The following IQCM variants were observed in gnomAD, a reference collection of about 807,000 sequenced individuals.
IQCM encodes IQ motif containing M.
In IQCM, 45 loss-of-function variants were observed where a neutral mutation model predicts 57.6. That is an observed-to-expected ratio of 0.78 (90% confidence interval 0.62 to 1.00). The LOEUF (loss-of-function observed/expected upper bound fraction) is 1.00, where lower values mean the gene tolerates loss of function less well. Among genes scored for constraint, IQCM ranks in the 50% least tolerant of loss-of-function variants. The pLI, the probability that IQCM is intolerant of heterozygous loss-of-function variation, is 0.00. For synonymous variants in IQCM, 148 were observed against 158.9 expected (o/e 0.93, Z 0.51); for missense variants, 468 against 511.6 (o/e 0.91, Z 0.82).
At chr4:149,668,504 C>T (rs1760940860) in intron 7 of IQCM, among the ~76,000 whole-genome samples, 1 of 152,054 alleles carries the variant, frequency 6.6e-6, no homozygotes, top group African/African-American at 2.4e-5. Context: ...AACATTGCCT[C>T]TCAGGGCAGC....
intron 5 of IQCM, among the ~76,000 whole-genome samples, chr4:149,726,076 A>AAAGT (rs1429010419): frequency 3.9e-4 from 25 of 64,514 alleles, no homozygotes; most frequent in African/African-American, 9.6e-4. Context: ...CCTCTAAAAG[A>AAAGT]AAGAAAGAAA....
intron 13 of IQCM, among the ~76,000 whole-genome samples, chr4:149,359,702 A>T (rs1239411609): frequency 6.6e-6 from 1 of 152,170 alleles, no homozygotes; most frequent in Non-Finnish European, 1.5e-5. Flanking sequence ...CTTTTAAATT[A>T]TCTACAAATT....
chr4:149,435,912 C>A (rs902372602), intron 12 of IQCM, among the ~76,000 whole-genome samples: 1 of 152,020 alleles, frequency 6.6e-6, no homozygotes, highest in Non-Finnish European at 1.5e-5. Context: ...AGCATTATCA[C>A]AAAATGTCAA....
intron 12 of IQCM, among the ~76,000 whole-genome samples, chr4:149,545,826 T>A (rs1047463104): frequency 1.3e-5 from 2 of 152,090 alleles, no homozygotes; most frequent in South Asian, 2.1e-4. Context: ...GTATTTTTTT[T>A]TTATTATTAT....
rs1328934686 is a variant in IQCM, at chr4:149,554,698, TTTTC to T, written c.949-1415_949-1412del. 4.3e-4 allele frequency among the ~76,000 whole-genome samples: 21 copies of T among 49,076 alleles called. No individual in the cohort carries two copies. The Middle Eastern group carries it at 0.045, about 106-fold the overall frequency. The allele number at this position is 49,076 out of a possible 152,430, so 32.2% of individuals were successfully genotyped here. A position where few individuals can be genotyped will look rare whatever the true frequency, so the allele number is the denominator to read the frequency against. On this transcript the variant is annotated intron_variant, in intron 10 of 13. Transcript: ENST00000636793. ...TATTACACATTAATTTTTTCTTTTCTTTTCTTTCTTTTTTTTTTTGAGACAGAGT... is the reference window on the plus strand; with the variant it reads ...TATTACACATTAATTTTTTCTTTTCTTTTCTTTTTTTTTTTGAGACAGAGT...
intron 6 of IQCM, among the ~76,000 whole-genome samples, chr4:149,682,815 G>T (rs1338073649): frequency 6.6e-6 from 1 of 151,012 alleles, no homozygotes; most frequent in Admixed American, 6.6e-5. Flanking sequence ...TTGTATAAAT[G>T]AAGAAACTAA....
chr4:149,490,614 T>C (rs1488567842), intron 12 of IQCM, among the ~76,000 whole-genome samples: 1 of 152,094 alleles, frequency 6.6e-6, no homozygotes, highest in Non-Finnish European at 1.5e-5. Flanking sequence ...AATAAATATA[T>C]TGCCTACTAT....
intron 2 of IQCM, among the ~76,000 whole-genome samples, chr4:149,804,406 G>A (rs1365283737): frequency 1.3e-5 from 2 of 151,974 alleles, no homozygotes; most frequent in Admixed American, 1.3e-4. Context: ...TCCCTTCCAG[G>A]TTCTAGCAGC....
intron 12 of IQCM, among the ~76,000 whole-genome samples, chr4:149,482,021 ATTTAAT>A (rs1740958454): frequency 6.6e-6 from 1 of 151,006 alleles, no homozygotes; most frequent in Non-Finnish European, 1.5e-5. Context: ...ATTCCTAGGT[ATTTAAT>A]TTTATGTGTG....
intron 11 of IQCM, among the ~76,000 whole-genome samples, chr4:149,548,848 C>G (rs578053034): frequency 3.9e-5 from 6 of 152,226 alleles, no homozygotes; most frequent in African/African-American, 1.4e-4. Flanking sequence ...ACCATAAATC[C>G]TATAATGTCA....
At chr4:149,402,213 G>A (rs567155481) in intron 13 of IQCM, among the ~76,000 whole-genome samples, 11 of 151,728 alleles carry the variant, frequency 7.2e-5, no homozygotes, top group Middle Eastern at 3.4e-3. Context: ...TTTTCTATAT[G>A]CTCAATAACA....
In IQCM at chr4:149,551,942, A is replaced by G. The variant is rs186668447; in HGVS notation, c.1093+1201T>C. Among the ~76,000 whole-genome samples, 48 of 151,864 alleles carry G rather than the reference A, an allele frequency of 3.2e-4. No homozygotes were observed. The East Asian group carries it at 9.1e-3, about 29-fold the overall frequency. ...CTTCCTGTCTTCCCATCTCTCCAAC[A>G]CTTTGCTGCTTTCTGCTCTTTTCTC... On this transcript the variant is annotated intron_variant, in intron 11 of 13. Coordinates refer to ENST00000636793, the MANE Select transcript of IQCM (RefSeq NM_001363507.2).
chr4:149,355,293 G>A (rs1039384767), intron 13 of IQCM, among the ~76,000 whole-genome samples: 1 of 151,752 alleles, frequency 6.6e-6, no homozygotes, highest in African/African-American at 2.4e-5. Flanking sequence ...TACAGAACGT[G>A]CAGGTTTGTT....
At chr4:149,366,110 T>C (rs1250734114) in intron 13 of IQCM, among the ~76,000 whole-genome samples, 1 of 152,040 alleles carries the variant, frequency 6.6e-6, no homozygotes, top group Admixed American at 6.6e-5. Context: ...AACTGAAAAG[T>C]TCATTTAAAA....
rs571867833 is a variant in IQCM, at chr4:149,720,900, C to G, written c.385+12344G>C. Among the ~76,000 whole-genome samples, 3 of 152,310 alleles carry G rather than the reference C, an allele frequency of 2.0e-5. No homozygotes were observed. The South Asian group carries it at 6.2e-4, about 32-fold the overall frequency. On this transcript the variant is annotated intron_variant, in intron 5 of 13. Transcript: ENST00000636793. Reference sequence around the variant, plus strand: ...CTTCAAATCAAATTATTCTGTGACACCAAACTCAGCATAATTTTCCATCTC... The same window carrying G: ...CTTCAAATCAAATTATTCTGTGACAGCAAACTCAGCATAATTTTCCATCTC...
rs114529324 is a variant in IQCM at position 149,487,150 on chromosome 4, A to G, written c.1229-53593T>C. On this transcript the variant is annotated intron_variant, in intron 12 of 13. Transcript: ENST00000636793. ...GAGCTTTTTAGTCAGCAGGTGATAA[A>G]TCTTGAAAAGACTGGATCCTTCCCT... 2.9e-3 allele frequency among the ~76,000 whole-genome samples: 438 copies of G among 152,206 alleles called. 5 individuals carry two copies. The highest frequency in any genetic ancestry group is 0.01 in the African/African-American group (423 of 41,564).
intron 12 of IQCM, among the ~76,000 whole-genome samples, chr4:149,436,860 C>G (rs995018985): frequency 1.3e-5 from 2 of 152,038 alleles, no homozygotes; most frequent in Non-Finnish European, 2.9e-5. Context: ...TTTAAATTAG[C>G]AAATGTATAT....
At chr4:149,458,859 G>A (rs1737977273) in intron 12 of IQCM, among the ~76,000 whole-genome samples, 1 of 152,088 alleles carries the variant, frequency 6.6e-6, no homozygotes, top group Admixed American at 6.6e-5. Flanking sequence ...TAAAATACTA[G>A]GTTTCAGGAT....
At chr4:149,663,486 T>C (rs1015760756) in intron 7 of IQCM, among the ~76,000 whole-genome samples, 6 of 152,126 alleles carry the variant, frequency 3.9e-5, no homozygotes, top group African/African-American at 1.4e-4. Context: ...AGGCTAGTGA[T>C]GAATTCCCTC....
Sources: gnomAD v4.1 joint callset for allele counts (sites outside exome capture counted in the v4.1 genomes callset) on GRCh38, gnomAD v4.1.1 for gene constraint, MANE v1.5 for transcripts, NCBI Gene and HGNC (gene_info 2026-07-23, HGNC 2026-07-21) for gene names.